The following THSD7A variants were observed in gnomAD, a reference collection of about 807,000 sequenced individuals.
THSD7A encodes thrombospondin type-1 domain-containing protein 7A.
In THSD7A, 96 loss-of-function variants were observed where a neutral mutation model predicts 231.3. That is an observed-to-expected ratio of 0.41 (90% CI 0.35 to 0.49). THSD7A has a LOEUF of 0.49. THSD7A is among the 20% of genes least tolerant of loss of function. THSD7A has a pLI of 0.05. For missense variants in THSD7A, 2,290 were observed against 2,070.2 expected, an observed-to-expected ratio of 1.11 and a Z score of -2.06; for synonymous variants, 940 against 743.3, an observed-to-expected ratio of 1.26 and a Z score of -4.30.
chr7:11,739,617 C>T (rs1158645979), intron 1 of THSD7A, among the ~76,000 whole-genome samples: 2 of 151,696 alleles, frequency 1.3e-5, no homozygotes, highest in African/African-American at 4.8e-5. Flanking sequence ...GAGGGTCTCA[C>T]TATGTTCCCA....
chr7:11,756,735 A>G (rs1315853236), intron 1 of THSD7A, among the ~76,000 whole-genome samples: 1 of 152,102 alleles, frequency 6.6e-6, no homozygotes, highest in African/African-American at 2.4e-5. Context: ...ATATTTATAT[A>G]CTGGAGAAAA....
intron 23 of THSD7A, among the ~76,000 whole-genome samples, chr7:11,391,575 C>A (rs1782982389): frequency 6.6e-6 from 1 of 152,210 alleles, no homozygotes; most frequent in South Asian, 2.1e-4. Context: ...GCCCCCTGGC[C>A]TCAGCCCCCT....
intron 11 of THSD7A, 116 bp from the exon 12 acceptor site, chr7:11,447,540 CT>C: frequency 1.2e-6 from 1 of 821,050 alleles, no homozygotes; most frequent in South Asian, 2.1e-5. Context: ...TAGTTCCTTA[CT>C]TACAGTAGAA....
At chr7:11,502,376 A>C (rs1787373144) in intron 6 of THSD7A, among the ~76,000 whole-genome samples, 1 of 152,166 alleles carries the variant, frequency 6.6e-6, no homozygotes, top group South Asian at 2.1e-4. Context: ...ACATCGATGC[A>C]ACTAACCTTA....
At chr7:11,805,253 A>T (rs1203631471) in intron 1 of THSD7A, among the ~76,000 whole-genome samples, 1 of 152,164 alleles carries the variant, frequency 6.6e-6, no homozygotes, top group African/African-American at 2.4e-5. Context: ...AGTTGAAGGA[A>T]ATGGGACTAT....
chr7:11,400,649 T>C (rs898566657), intron 23 of THSD7A, among the ~76,000 whole-genome samples: 1 of 152,232 alleles, frequency 6.6e-6, no homozygotes, highest in Non-Finnish European at 1.5e-5. Context: ...TGGAGTGTTT[T>C]ACCTAGTTGA....
At chr7:11,780,304 C>A (rs1783582667) in intron 1 of THSD7A, among the ~76,000 whole-genome samples, 1 of 152,166 alleles carries the variant, frequency 6.6e-6, no homozygotes, top group Non-Finnish European at 1.5e-5. Flanking sequence ...CATATAGTTT[C>A]TTCCCACACT....
At chr7:11,760,983 T>A (rs1235699242) in intron 1 of THSD7A, among the ~76,000 whole-genome samples, 1 of 148,328 alleles carries the variant, frequency 6.7e-6, no homozygotes, top group East Asian at 1.9e-4. Context: ...TATTTATATA[T>A]AATTATAATT....
chr7:11,816,588 G>A (rs1784710669), intron 1 of THSD7A, among the ~76,000 whole-genome samples: 1 of 135,762 alleles, frequency 7.4e-6, no homozygotes, highest in African/African-American at 2.7e-5. Flanking sequence ...ACATAAAAAG[G>A]GTCTTAAAAT....
At chr7:11,655,261 T>C (rs1352834474) in intron 1 of THSD7A, among the ~76,000 whole-genome samples, 2 of 151,928 alleles carry the variant, frequency 1.3e-5, no homozygotes, top group Non-Finnish European at 2.9e-5. Flanking sequence ...GAATCTGTGA[T>C]TTGTTAGGAT....
At chr7:11,534,529 C>T (rs1276632742) in intron 6 of THSD7A, among the ~76,000 whole-genome samples, 4 of 152,160 alleles carry the variant, frequency 2.6e-5, no homozygotes, top group African/African-American at 9.7e-5. Context: ...TTGGACCTTT[C>T]AGCCATAGTC....
intron 16 of THSD7A, among the ~76,000 whole-genome samples, chr7:11,422,335 A>G (rs1363690396): frequency 6.6e-6 from 1 of 152,168 alleles, no homozygotes; most frequent in African/African-American, 2.4e-5. Flanking sequence ...CTCCTCTTTT[A>G]TAGACCCATC....
intron 1 of THSD7A, among the ~76,000 whole-genome samples, chr7:11,670,422 G>A (rs769027119): frequency 4.6e-5 from 7 of 152,216 alleles, no homozygotes; most frequent in African/African-American, 1.4e-4. Flanking sequence ...GTTGGAGCCC[G>A]AGTTCTGAAT....
intron 13 of THSD7A, among the ~76,000 whole-genome samples, chr7:11,435,685 C>G (rs187619073): frequency 6.6e-6 from 1 of 151,802 alleles, no homozygotes; most frequent in East Asian, 1.9e-4. Flanking sequence ...CCTGTCCTTT[C>G]GAGCTGGTTC....
In THSD7A at chr7:11,417,485, T is replaced by G; in HGVS notation, c.3502A>C (p.Ile1168Leu). The change falls in exon 17 of 28, where the codon ATA becomes CTA. Residue 1168 changes from isoleucine to leucine, a missense_variant. Coordinates refer to ENST00000423059, the MANE Select transcript of THSD7A (RefSeq NM_015204.3). Reference sequence around the variant, plus strand: ...TGGGTCCATGGACCCCATTCAGATATCACACAGTCCTCAGGGCATGGTAAT... The same window carrying G: ...TGGGTCCATGGACCCCATTCAGATAGCACACAGTCCTCAGGGCATGGTAAT... ...CKLPCPEDCV[I>L]SEWGPWTQCV... The G allele has an allele frequency of 6.2e-7, 1 of 1,611,552 alleles. No individual in the cohort carries two copies. Among genetic ancestry groups the G allele is most frequent in the African/African-American group, 1.3e-5 (1 of 74,904 alleles).
chr7:11,688,001 C>T (rs1462226603), intron 1 of THSD7A, among the ~76,000 whole-genome samples: 1 of 151,194 alleles, frequency 6.6e-6, no homozygotes, highest in Non-Finnish European at 1.5e-5. Context: ...TGTTGGTGTG[C>T]TGCACCCTGT....
At position 11,636,650 on chromosome 7, in the gene THSD7A, G is replaced by A. The variant is rs1273985579; in HGVS notation, c.502C>T (p.Pro168Ser). The change falls in exon 2 of 28, where the codon CCT becomes TCT. Residue 168 changes from proline to serine, a missense_variant. Coordinates refer to ENST00000423059, the MANE Select transcript of THSD7A (RefSeq NM_015204.3). This position sits in a 1 kb window ranked among gnomAD's most constrained non-coding sequence, Gnocchi z 10.0. ...IACIQKDKDI[P>S]AEDIICEYFE... ...TACTCACAGATGATATCCTCCGCAGGAATGTCTTTGTCTTTCTGGATGCAC... is the reference window on the plus strand; with the variant it reads ...TACTCACAGATGATATCCTCCGCAGAAATGTCTTTGTCTTTCTGGATGCAC... 1.9e-6 allele frequency: 3 copies of A among 1,613,962 alleles called. No individual in the cohort carries two copies. Among genetic ancestry groups the A allele is most frequent in the South Asian group, 1.1e-5 (1 of 91,076 alleles).
intron 1 of THSD7A, among the ~76,000 whole-genome samples, chr7:11,747,688 C>T (rs1027034177): frequency 3.3e-5 from 5 of 151,856 alleles, no homozygotes; most frequent in Non-Finnish European, 5.9e-5. Context: ...AATAAATTGA[C>T]AGTGCATATG....
intron 1 of THSD7A, among the ~76,000 whole-genome samples, chr7:11,785,045 G>C (rs773166009): frequency 9.9e-5 from 15 of 152,070 alleles, no homozygotes; most frequent in Non-Finnish European, 1.8e-4. Context: ...TTATGCAGGA[G>C]GTCTTAATTC....
Sources: gnomAD v4.1 joint callset for allele counts (sites outside exome capture counted in the v4.1 genomes callset) on GRCh38, gnomAD v4.1.1 for gene constraint, Gnocchi (gnomAD v3.1) non-coding constraint, MANE v1.5 for transcripts, NCBI Gene and HGNC (gene_info 2026-07-23, HGNC 2026-07-21) for gene names.